Variants in AHI1 observed in about 807,000 individuals in gnomAD.
AHI1 encodes jouberin.
In AHI1, 123 loss-of-function variants were observed where a neutral mutation model predicts 149.3. That is an observed-to-expected ratio of 0.82 (90% CI 0.71 to 0.96). The LOEUF (loss-of-function observed/expected upper bound fraction) is 0.96, where lower values mean the gene tolerates loss of function less well. AHI1 is among the 40% of genes least tolerant of loss of function. The probability of loss-of-function intolerance (pLI) is 0.00; values close to 1 mark genes in which losing one functional copy is unlikely to be tolerated. For synonymous variants in AHI1, 475 were observed against 459.8 expected, an observed-to-expected ratio of 1.03 and a Z score of -0.42; for missense variants, 1,439 against 1,422.7, an observed-to-expected ratio of 1.01 and a Z score of -0.18.
intron 27 of AHI1, among the ~76,000 whole-genome samples, chr6:135,291,424 G>C (rs1014522906): frequency 6.6e-6 from 1 of 151,392 alleles, no homozygotes; most frequent in Admixed American, 6.6e-5. Flanking sequence ...AATAAGACTA[G>C]AGTCCTTAGA....
At chr6:135,350,867 T>C (rs1018093298) in intron 24 of AHI1, among the ~76,000 whole-genome samples, 2 of 152,128 alleles carry the variant, frequency 1.3e-5, no homozygotes, top group African/African-American at 4.8e-5. Flanking sequence ...CAAAGCCCTA[T>C]AGGCCCTAGG....
At chr6:135,392,332 C>T (rs1278717799) in intron 23 of AHI1, among the ~76,000 whole-genome samples, 1 of 152,162 alleles carries the variant, frequency 6.6e-6, no homozygotes, top group Non-Finnish European at 1.5e-5. Context: ...ACTTTTCTAG[C>T]AGTCTCCGTT....
At position 135,404,992 on chromosome 6, in the gene AHI1, AT is replaced by A; in HGVS notation, c.2962-16del. On this transcript the variant is annotated splice_polypyrimidine_tract_variant and intron_variant, in intron 21 of 28. Coordinates refer to ENST00000265602, the MANE Select transcript of AHI1 (RefSeq NM_001134831.2). ...CGTATCACCTCCTAAAAGAAATACAATAAAATAAGGAAGTATTCATAATTTC... is the reference window on the plus strand; with the variant it reads ...CGTATCACCTCCTAAAAGAAATACAAAAAATAAGGAAGTATTCATAATTTC... The A allele has an allele frequency of 6.3e-7, 1 of 1,595,416 alleles. No homozygotes were observed.
intron 5 of AHI1, among the ~76,000 whole-genome samples, chr6:135,482,465 CACT>C (rs1562277029): frequency 6.6e-6 from 1 of 151,222 alleles, no homozygotes. Context: ...GCCAGCCCAC[CACT>C]GTTTTTTTTT....
At chr6:135,405,839 G>C (rs548314193) in intron 21 of AHI1, among the ~76,000 whole-genome samples, 2 of 127,386 alleles carry the variant, frequency 1.6e-5, no homozygotes, top group African/African-American at 6.1e-5. Flanking sequence ...CAGCCTGGGC[G>C]ACAGAGTGAG....
chr6:135,462,945 C>G (rs985558826), intron 8 of AHI1, among the ~76,000 whole-genome samples, 180 bp downstream of exon 8: 3 of 151,802 alleles, frequency 2.0e-5, no homozygotes, highest in Non-Finnish European at 4.4e-5. Context: ...ACAAACTCAT[C>G]AGAGACCTAC....
intron 24 of AHI1, among the ~76,000 whole-genome samples, chr6:135,348,174 A>T (rs1479927805): frequency 6.6e-6 from 1 of 152,182 alleles, no homozygotes; most frequent in Non-Finnish European, 1.5e-5. Context: ...TCACGGTAAA[A>T]AAACAATCTA....
At chr6:135,351,791 T>C (rs967078783) in intron 24 of AHI1, among the ~76,000 whole-genome samples, 1 of 152,186 alleles carries the variant, frequency 6.6e-6, no homozygotes, top group Non-Finnish European at 1.5e-5. Context: ...CTCTGTGGAA[T>C]AGGTGGAATA....
At chr6:135,479,814 C>T (rs1054686281) in intron 5 of AHI1, among the ~76,000 whole-genome samples, 5 of 152,212 alleles carry the variant, frequency 3.3e-5, no homozygotes, top group African/African-American at 1.2e-4. Flanking sequence ...TGAATTACCA[C>T]ATGTTGAAAG....
At chr6:135,295,899 C>T (rs1783022142) in intron 27 of AHI1, among the ~76,000 whole-genome samples, 1 of 152,228 alleles carries the variant, frequency 6.6e-6, no homozygotes, top group African/African-American at 2.4e-5. Flanking sequence ...GTCTCCCGGG[C>T]TGGAGTGCAG....
At chr6:135,419,811 G>A (rs60323167) in intron 20 of AHI1, among the ~76,000 whole-genome samples, 8,392 of 152,100 alleles carry the variant, frequency 0.055, 687 homozygotes, top group African/African-American at 0.18. Flanking sequence ...TTTCACAAAA[G>A]ATTTCTCTGT....
chr6:135,348,263 T>TTAAA (rs1199078691), intron 24 of AHI1, among the ~76,000 whole-genome samples: 2 of 152,212 alleles, frequency 1.3e-5, no homozygotes, highest in African/African-American at 2.4e-5. Context: ...TAACCTTTGA[T>TTAAA]TAAATTTCTC....
In AHI1 at chr6:135,301,896, C is replaced by T. The variant is rs373852074; in HGVS notation, c.3427-1338G>A. ...TAAGCAAAGAAAATCATCAAAACCT[C>T]AGAAAGCACCATCATAACAGAAATT... On this transcript the variant is annotated intron_variant, in intron 26 of 28. Transcript: ENST00000265602. 2.7e-5 allele frequency: 27 copies of T among 985,442 alleles called. No homozygotes were observed. The East Asian group carries it at 1.5e-3, about 54-fold the overall frequency. 61.0% of individuals were successfully genotyped at this position (985,442 alleles called of 1,614,324 possible).
At chr6:135,333,621 A>G (rs955368816) in intron 24 of AHI1, among the ~76,000 whole-genome samples, 1 of 152,236 alleles carries the variant, frequency 6.6e-6, no homozygotes, top group Admixed American at 6.5e-5. Context: ...GTATAATGCA[A>G]CGATAAGTGA....
intron 26 of AHI1, among the ~76,000 whole-genome samples, chr6:135,308,521 C>T (rs1204436960): frequency 6.6e-6 from 1 of 152,220 alleles, no homozygotes; most frequent in Non-Finnish European, 1.5e-5. Flanking sequence ...AAAGCATGAG[C>T]CACTGTGCCC....
intron 21 of AHI1, among the ~76,000 whole-genome samples, chr6:135,409,595 A>G (rs1195204842): frequency 6.6e-6 from 1 of 152,176 alleles, no homozygotes; most frequent in Non-Finnish European, 1.5e-5. Context: ...TATCTTAGTG[A>G]ATTTCAATTA....
At chr6:135,458,400 G>A (rs1789315702) in intron 8 of AHI1, among the ~76,000 whole-genome samples, 1 of 152,168 alleles carries the variant, frequency 6.6e-6, no homozygotes, top group Admixed American at 6.5e-5. Context: ...TCAAACACAT[G>A]ACCAATTCTT....
intron 20 of AHI1, among the ~76,000 whole-genome samples, chr6:135,413,343 TATAA>T (rs1214073443): frequency 6.6e-6 from 1 of 152,074 alleles, no homozygotes; most frequent in African/African-American, 2.4e-5. Flanking sequence ...GACTTAAATA[TATAA>T]ATAAACTACC....
At chr6:135,356,414 T>A (rs542718765) in intron 24 of AHI1, among the ~76,000 whole-genome samples, 1 of 152,344 alleles carries the variant, frequency 6.6e-6, no homozygotes, top group Non-Finnish European at 1.5e-5. Context: ...TGTCCTGGTC[T>A]GGGACCAGAG....
Sources: gnomAD v4.1 joint callset for allele counts (sites outside exome capture counted in the v4.1 genomes callset) on GRCh38, gnomAD v4.1.1 for gene constraint, MANE v1.5 for transcripts, NCBI Gene and HGNC (gene_info 2026-07-23, HGNC 2026-07-21) for gene names.